Variants in ATRN observed in about 807,000 individuals in gnomAD.
The protein encoded by ATRN is attractin.
A neutral mutation model predicts 178.7 loss-of-function variants in ATRN; 54 were observed. The ratio of observed to expected loss-of-function variants is 0.30; its 90% CI spans 0.24 to 0.38. The LOEUF (loss-of-function observed/expected upper bound fraction) is 0.38, where lower values mean the gene tolerates loss of function less well. Among genes scored for constraint, ATRN ranks in the 10% least tolerant of loss-of-function variants. ATRN has a pLI of 1.00. For missense variants in ATRN, 1,443 were observed against 1,815.1 expected (o/e 0.79, Z 3.73); for synonymous variants, 636 against 663.0 (o/e 0.96, Z 0.63).
chr20:3,606,701 G>T (rs780455738), intron 24 of ATRN, among the ~76,000 whole-genome samples: 6 of 152,206 alleles, frequency 3.9e-5, no homozygotes, highest in Non-Finnish European at 8.8e-5. Context: ...ACTTGAGCAT[G>T]ACGTATTATT....
intron 1 of ATRN, among the ~76,000 whole-genome samples, chr20:3,500,658 G>C (rs1391170538): frequency 6.9e-6 from 1 of 144,202 alleles, no homozygotes; most frequent in East Asian, 2.1e-4. Flanking sequence ...TACACAGGAA[G>C]GGGAACATCA....
intron 1 of ATRN, among the ~76,000 whole-genome samples, chr20:3,512,107 A>ATTTTTTT (rs755934394): frequency 1.4e-4 from 15 of 106,384 alleles, no homozygotes; most frequent in South Asian, 2.9e-4. Flanking sequence ...ATATATATAT[A>ATTTTTTT]TTTTTTTTTT....
At chr20:3,522,458 A>C (rs1173772474) in intron 1 of ATRN, among the ~76,000 whole-genome samples, 11 of 152,204 alleles carry the variant, frequency 7.2e-5, no homozygotes, top group Non-Finnish European at 1.3e-4. Context: ...GGGACAGAGC[A>C]CCTGGGGGAA....
At chr20:3,507,377 C>A (rs1182364358) in intron 1 of ATRN, among the ~76,000 whole-genome samples, 1 of 150,344 alleles carries the variant, frequency 6.7e-6, no homozygotes, top group Non-Finnish European at 1.5e-5. Context: ...CCACTGCACT[C>A]CAGCCTGCGA....
chr20:3,489,862 T>C, intron 1 of ATRN: 1 of 1,284,576 alleles, frequency 7.8e-7, no homozygotes. Context: ...CAGTAGGGAA[T>C]GCGTTTGCCA....
intron 20 of ATRN, 35 bp downstream of exon 20, chr20:3,594,607 C>A: frequency 6.4e-7 from 1 of 1,556,932 alleles, no homozygotes; most frequent in Non-Finnish European, 8.8e-7. Context: ...CCAGGGAGGA[C>A]CAAGAGGCTG....
chr20:3,526,990 T>A (rs908303012), intron 1 of ATRN, among the ~76,000 whole-genome samples: 19 of 152,050 alleles, frequency 1.2e-4, no homozygotes, highest in African/African-American at 4.6e-4. Flanking sequence ...GAAGAAAACC[T>A]AGGCAATACC....
intron 23 of ATRN, among the ~76,000 whole-genome samples, chr20:3,602,111 C>G (rs969163219): frequency 1.1e-4 from 16 of 151,914 alleles, no homozygotes; most frequent in Non-Finnish European, 2.4e-4. Flanking sequence ...GGAAGATCAC[C>G]TGAGGTCAAG....
Position 3,485,248 on chromosome 20 carries a change from C to T in ATRN, c.410+13731C>T, listed in dbSNP as rs555116271. Reference sequence around the variant, plus strand: ...CTTGTGTGTGGATTCTCCTGTTCCCCATGTTGATAGTCATGCTGCCAATAA... The same window carrying T: ...CTTGTGTGTGGATTCTCCTGTTCCCTATGTTGATAGTCATGCTGCCAATAA... On this transcript the variant is annotated intron_variant, in intron 1 of 28. Transcript: ENST00000262919. Among the ~76,000 whole-genome samples the T allele has an allele frequency of 4.6e-5, 7 of 152,256 alleles. No individual in the cohort carries two copies. In the South Asian group the frequency reaches 1.2e-3, roughly 27 times the overall value.
intron 11 of ATRN, among the ~76,000 whole-genome samples, chr20:3,568,684 C>G (rs1035345581): frequency 6.6e-6 from 1 of 152,134 alleles, no homozygotes; most frequent in Non-Finnish European, 1.5e-5. Context: ...ACATAACTTT[C>G]TTTTATGTGT....
intron 25 of ATRN, among the ~76,000 whole-genome samples, chr20:3,628,107 G>A (rs2086958314): frequency 6.6e-6 from 1 of 152,198 alleles, no homozygotes; most frequent in Admixed American, 6.5e-5. Context: ...GGGAGGCAGA[G>A]CTTGCTGTGA....
rs990182412 is a variant in ATRN, at chr20:3,650,377, A to T, written c.*3530A>T. 9.2e-5 allele frequency: 14 copies of T among 152,650 alleles called. No homozygotes were observed. Among genetic ancestry groups the T allele is most frequent in the African/African-American group, 3.1e-4 (13 of 41,458 alleles). The allele number at this position is 152,650 out of a possible 1,614,324, so 9.5% of individuals were successfully genotyped here. Reference sequence around the variant, plus strand: ...GGTAGTGACTGAGATGTAAAAATAGATTTTAGAATTAAAACAAAATCCAAG... The same window carrying T: ...GGTAGTGACTGAGATGTAAAAATAGTTTTTAGAATTAAAACAAAATCCAAG... On this transcript the variant is annotated 3_prime_UTR_variant, in exon 29 of 29. Coordinates refer to ENST00000262919, the MANE Select transcript of ATRN (RefSeq NM_139321.3).
chr20:3,494,694 T>C (rs1243277304), intron 1 of ATRN, among the ~76,000 whole-genome samples: 1 of 152,126 alleles, frequency 6.6e-6, no homozygotes, highest in African/African-American at 2.4e-5. Context: ...TGACTTAAAT[T>C]TTTGATATAG....
chr20:3,627,923 A>G (rs1284957790), intron 25 of ATRN, among the ~76,000 whole-genome samples: 2 of 152,240 alleles, frequency 1.3e-5, no homozygotes, highest in Non-Finnish European at 2.9e-5. Flanking sequence ...CTGTAATCCC[A>G]GCACTTTGGG....
intron 6 of ATRN, among the ~76,000 whole-genome samples, chr20:3,556,272 A>G (rs755926021): frequency 1.3e-5 from 2 of 152,074 alleles, no homozygotes; most frequent in African/African-American, 2.4e-5. Flanking sequence ...GAAAAATTTT[A>G]TAGTTTCTTC....
At chr20:3,636,815 T>C (rs1248440009) in intron 26 of ATRN, among the ~76,000 whole-genome samples, 1 of 152,234 alleles carries the variant, frequency 6.6e-6, no homozygotes, top group Non-Finnish European at 1.5e-5. Context: ...GTTATCTTCG[T>C]GTAATCCTAC....
At chr20:3,503,971 A>T (rs1361218431) in intron 1 of ATRN, among the ~76,000 whole-genome samples, 3 of 152,290 alleles carry the variant, frequency 2.0e-5, no homozygotes, top group South Asian at 4.1e-4. Flanking sequence ...GAGAGAAATG[A>T]TGCATTACCT....
intron 12 of ATRN, 127 bp downstream of exon 12, chr20:3,573,078 G>C: frequency 2.3e-6 from 2 of 857,374 alleles, no homozygotes; most frequent in Non-Finnish European, 3.5e-6. Context: ...GTAATAACTT[G>C]TACAAAGTGT....
chr20:3,518,501 G>A (rs1484400600), intron 1 of ATRN, among the ~76,000 whole-genome samples: 2 of 152,210 alleles, frequency 1.3e-5, no homozygotes, highest in African/African-American at 4.8e-5. Context: ...CTGGCAGGGA[G>A]TGACTGCTAA....
Sources: gnomAD v4.1 joint callset for allele counts (sites outside exome capture counted in the v4.1 genomes callset) on GRCh38, gnomAD v4.1.1 for gene constraint, MANE v1.5 for transcripts, NCBI Gene and HGNC (gene_info 2026-07-23, HGNC 2026-07-21) for gene names.